SP100: variants seen among roughly 807,000 people sequenced by gnomAD.
SP100 encodes the protein SP100 nuclear body protein.
SP100 carries 84 observed loss-of-function variants against 130.0 expected under a neutral mutation model. The ratio of observed to expected loss-of-function variants is 0.65; its 90% confidence interval spans 0.54 to 0.77. The LOEUF is 0.77. Ranked by LOEUF, SP100 falls within the 30% of genes least tolerant of loss-of-function variation. The pLI is 0.00. For synonymous variants in SP100, 331 were observed against 351.7 expected, an observed-to-expected ratio of 0.94 and a Z score of 0.66; for missense variants, 978 against 1,052.2, an observed-to-expected ratio of 0.93 and a Z score of 0.97.
In SP100 at chr2:230,474,376, CT is replaced by C; in HGVS notation, c.1547-17del. ...CTTATAAATTACAGTTCTCTGACCA[CT>C]ACCTGTCACTTTCTAGATACCATGG... On this transcript the variant is annotated splice_polypyrimidine_tract_variant and intron_variant, in intron 16 of 28. Transcript: ENST00000340126. 6.9e-7 allele frequency: 1 copy of C among 1,441,482 alleles called. No individual in the cohort carries two copies. The highest frequency in any genetic ancestry group is 9.7e-7 in the Non-Finnish European group (1 of 1,033,518). 89.3% of individuals were successfully genotyped at this position (1,441,482 alleles called of 1,614,324 possible). A position where few individuals can be genotyped will look rare whatever the true frequency, so the allele number is the denominator to read the frequency against.
At chr2:230,456,530 G>A (rs1204704000) in intron 8 of SP100, among the ~76,000 whole-genome samples, 3 of 152,174 alleles carry the variant, frequency 2.0e-5, no homozygotes, top group Middle Eastern at 3.4e-3. Context: ...TCCCTTTTAT[G>A]AATTCCTGTG....
intron 2 of SP100, chr2:230,440,474 A>T: frequency 9.0e-7 from 1 of 1,115,348 alleles, no homozygotes; most frequent in Non-Finnish European, 1.2e-6. Context: ...TTATTTCAAT[A>T]GGTTTTTGGA....
intron 23 of SP100, chr2:230,509,998 T>A (rs1421290156): frequency 6.6e-6 from 1 of 152,656 alleles, no homozygotes; most frequent in African/African-American, 2.4e-5. Context: ...CTTATTGTCT[T>A]ACCTGGGTGA....
intron 19 of SP100, among the ~76,000 whole-genome samples, chr2:230,499,912 A>G (rs916102724): frequency 2.6e-5 from 4 of 152,062 alleles, no homozygotes; most frequent in African/African-American, 9.7e-5. Context: ...GGCCTCTCTC[A>G]TAAGGCCTGG....
chr2:230,493,431 G>C (rs1328560834), intron 17 of SP100, among the ~76,000 whole-genome samples: 1 of 152,136 alleles, frequency 6.6e-6, no homozygotes, highest in Non-Finnish European at 1.5e-5. Flanking sequence ...TGGCCAGGCT[G>C]GTCTCAAACT....
At chr2:230,444,449 G>T (rs561312894) in intron 4 of SP100, 103 bp downstream of exon 4, 4 of 892,268 alleles carry the variant, frequency 4.5e-6, no homozygotes, top group Middle Eastern at 2.5e-4. Context: ...TGGGCAGTGG[G>T]CATAGAGTAG....
chr2:230,470,391 T>C (rs751910459), intron 15 of SP100: 62 of 1,049,024 alleles, frequency 5.9e-5, no homozygotes, highest in Non-Finnish European at 7.0e-5. Flanking sequence ...CTCATTCCTA[T>C]TAACACTAAG....
At chr2:230,458,254 A>G (rs2064389748) in intron 8 of SP100, among the ~76,000 whole-genome samples, 1 of 152,268 alleles carries the variant, frequency 6.6e-6, no homozygotes, top group Non-Finnish European at 1.5e-5. Flanking sequence ...TATGTGCTGT[A>G]TTCTCACAAT....
rs1249814095 is a variant in SP100, at chr2:230,539,262, T to G, written c.2095-5T>G. 6.2e-7 allele frequency: 1 copy of G among 1,607,512 alleles called. No homozygotes were observed. Among genetic ancestry groups the G allele is most frequent in the Admixed American group, 1.7e-5 (1 of 59,990 alleles). ...TCCCGGTGATGTCTACATCTCCCCT[T>G]CTAGCCGGAAAACTCAAATATATGT... On this transcript the variant is annotated splice_region_variant and splice_polypyrimidine_tract_variant and intron_variant, in intron 24 of 28. Transcript: ENST00000340126.
intron 2 of SP100, among the ~76,000 whole-genome samples, chr2:230,420,902 C>G (rs1437447720): frequency 6.6e-6 from 1 of 152,228 alleles, no homozygotes; most frequent in South Asian, 2.1e-4. Context: ...TGATACAGCT[C>G]TTTGTAATTT....
At chr2:230,481,607 C>T (rs1438495864) in intron 17 of SP100, among the ~76,000 whole-genome samples, 1 of 152,220 alleles carries the variant, frequency 6.6e-6, no homozygotes, top group Non-Finnish European at 1.5e-5. Flanking sequence ...CCACTAGAAC[C>T]TATTCTCCAT....
rs534039931 is a variant in SP100, at chr2:230,440,653, A to G, written c.108-2284A>G. The G allele has an allele frequency of 5.0e-6, 6 of 1,191,734 alleles. No individual in the cohort carries two copies. In the South Asian group the frequency reaches 8.5e-5, roughly 17 times the overall value. The allele number at this position is 1,191,734 out of a possible 1,614,324, so 73.8% of individuals were successfully genotyped here. A position where few individuals can be genotyped will look rare whatever the true frequency, so the allele number is the denominator to read the frequency against. ...TATCTGTAGCTTCAATTCAAATCCAAAAAAAAGTCCTAAAGTTTTTTCTTG... is the reference window on the plus strand; with the variant it reads ...TATCTGTAGCTTCAATTCAAATCCAGAAAAAAGTCCTAAAGTTTTTTCTTG... On this transcript the variant is annotated intron_variant, in intron 2 of 28. Coordinates refer to ENST00000340126, the MANE Select transcript of SP100 (RefSeq NM_001080391.2).
chr2:230,498,621 T>C (rs776154211), intron 19 of SP100, 86 bp downstream of exon 19: 2 of 696,210 alleles, frequency 2.9e-6, no homozygotes, highest in African/African-American at 1.9e-5. Flanking sequence ...AAATGCTTTA[T>C]GTAGCTGTAC....
intron 22 of SP100, chr2:230,506,695 C>A: frequency 2.9e-6 from 1 of 343,182 alleles, no homozygotes. Flanking sequence ...CTTGACTCTG[C>A]CATTAATAAA....
At chr2:230,427,944 C>T (rs2062984654) in intron 2 of SP100, among the ~76,000 whole-genome samples, 2 of 152,118 alleles carry the variant, frequency 1.3e-5, no homozygotes, top group African/African-American at 4.8e-5. Flanking sequence ...TAAAGAACTA[C>T]CTGAGGCCAG....
At chr2:230,539,804 G>A (rs981655823) in intron 25 of SP100, among the ~76,000 whole-genome samples, 2 of 152,162 alleles carry the variant, frequency 1.3e-5, no homozygotes, top group African/African-American at 4.8e-5. Context: ...GTCACATGTT[G>A]AGACCTGTGA....
At chr2:230,424,587 T>G (rs1436500495) in intron 2 of SP100, among the ~76,000 whole-genome samples, 1 of 149,000 alleles carries the variant, frequency 6.7e-6, no homozygotes, top group African/African-American at 2.5e-5. Context: ...GAGAATTGCT[T>G]GAAAACAGGA....
Position 230,443,068 on chromosome 2 carries a change from A to G in SP100, c.239A>G (p.Asp80Gly). Residue 80 changes from aspartate to glycine, a missense_variant, in exon 3 of 29, where the codon GAT becomes GGT. By Grantham distance (94) the Asp-to-Gly change is moderately conservative (BLOSUM62 -1). Transcript: ENST00000340126. Reference sequence around the variant, plus strand: ...TTTCCATTCCTCGAGGGCCTCCGTGATCGTGATCTCATCACAAATAAAATG... The same window carrying G: ...TTTCCATTCCTCGAGGGCCTCCGTGGTCGTGATCTCATCACAAATAAAATG... Reference protein sequence around the residue: ...KTFPFLEGLRDRDLITNKMFE... With the variant: ...KTFPFLEGLRGRDLITNKMFE... 1 of 1,614,154 alleles carries G rather than the reference A, an allele frequency of 6.2e-7. No homozygotes were observed. Among genetic ancestry groups the G allele is most frequent in the Non-Finnish European group, 8.5e-7 (1 of 1,179,976 alleles).
At chr2:230,533,115 C>CTG (rs1377081783) in intron 24 of SP100, among the ~76,000 whole-genome samples, 1 of 152,174 alleles carries the variant, frequency 6.6e-6, no homozygotes, top group Non-Finnish European at 1.5e-5. Flanking sequence ...AAAGAAATTA[C>CTG]TGTGTGTGTG....
Sources: gnomAD v4.1 joint callset for allele counts (sites outside exome capture counted in the v4.1 genomes callset) on GRCh38, gnomAD v4.1.1 for gene constraint, MANE v1.5 for transcripts, NCBI Gene and HGNC (gene_info 2026-07-23, HGNC 2026-07-21) for gene names.